OLFM3: variants seen among roughly 807,000 people sequenced by gnomAD.
OLFM3 encodes olfactomedin 3.
OLFM3 carries 20 observed loss-of-function variants against 48.6 expected under a neutral mutation model. The ratio of observed to expected loss-of-function variants is 0.41; its 90% CI spans 0.29 to 0.60. OLFM3 has a LOEUF of 0.60. Among genes scored for constraint, OLFM3 ranks in the 20% least tolerant of loss-of-function variants. The probability of loss-of-function intolerance (pLI) is 0.28; values close to 1 mark genes in which losing one functional copy is unlikely to be tolerated. For missense variants in OLFM3, 437 were observed against 544.3 expected (o/e 0.80, Z 1.96); for synonymous variants, 222 against 198.1 (o/e 1.12, Z -1.01).
At chr1:101,931,462 A>G (rs1177939714) in intron 1 of OLFM3, among the ~76,000 whole-genome samples, 1 of 152,192 alleles carries the variant, frequency 6.6e-6, no homozygotes, top group Non-Finnish European at 1.5e-5. Flanking sequence ...AATTGATCTT[A>G]TAGTAAGTGA....
At chr1:101,882,298 C>A (rs909638170) in intron 1 of OLFM3, among the ~76,000 whole-genome samples, 4 of 146,464 alleles carry the variant, frequency 2.7e-5, no homozygotes, top group African/African-American at 1.0e-4. Flanking sequence ...TATGTTATTT[C>A]TACCCTTAAT....
At chr1:101,940,091 T>A (rs1659740583) in intron 1 of OLFM3, among the ~76,000 whole-genome samples, 1 of 152,178 alleles carries the variant, frequency 6.6e-6, no homozygotes, top group Non-Finnish European at 1.5e-5. Context: ...AGTAGGAGTG[T>A]AATAGACATA....
At chr1:101,848,527 T>A (rs1001027902) in intron 1 of OLFM3, among the ~76,000 whole-genome samples, 5 of 151,632 alleles carry the variant, frequency 3.3e-5, no homozygotes, top group African/African-American at 1.2e-4. Flanking sequence ...TTTCAAAATA[T>A]ATCCAAATGA....
chr1:101,842,775 G>T (rs184266083), intron 1 of OLFM3, among the ~76,000 whole-genome samples: 1 of 152,170 alleles, frequency 6.6e-6, no homozygotes, highest in Admixed American at 6.5e-5. Context: ...GGCATGAGCC[G>T]AACTCCTCTC....
At chr1:101,964,461 CTG>C (rs1660555972) in intron 1 of OLFM3, among the ~76,000 whole-genome samples, 1 of 152,048 alleles carries the variant, frequency 6.6e-6, no homozygotes, top group Non-Finnish European at 1.5e-5. Context: ...AAGAGACAGA[CTG>C]AGAGTAAAAA....
chr1:101,864,871 C>G (rs755239870), intron 1 of OLFM3, among the ~76,000 whole-genome samples: 1 of 152,116 alleles, frequency 6.6e-6, no homozygotes, highest in Non-Finnish European at 1.5e-5. Context: ...ATATTTTTAT[C>G]TCCCTGTTCA....
chr1:101,881,446 A>G (rs1026906324), intron 1 of OLFM3, among the ~76,000 whole-genome samples: 4 of 151,826 alleles, frequency 2.6e-5, no homozygotes, highest in Non-Finnish European at 4.4e-5. Flanking sequence ...TCTTTTCTAA[A>G]TGTTCAGGAA....
chr1:101,987,926 T>TATTTAGACTATTTAGACTTCTA (rs1238485029), intron 1 of OLFM3, among the ~76,000 whole-genome samples: 3 of 152,130 alleles, frequency 2.0e-5, no homozygotes, highest in Non-Finnish European at 2.9e-5. Context: ...TAATTTCTGA[T>TATTTAGACTATTTAGACTTCTA]ACTATTTAGA....
At chr1:101,868,581 A>T (rs1656946974) in intron 1 of OLFM3, among the ~76,000 whole-genome samples, 1 of 152,232 alleles carries the variant, frequency 6.6e-6, no homozygotes, top group Non-Finnish European at 1.5e-5. Context: ...TGTCAATGTG[A>T]TAAAAAAGAA....
intron 1 of OLFM3, among the ~76,000 whole-genome samples, chr1:101,865,760 G>A (rs74434535): frequency 1.4e-3 from 215 of 152,200 alleles, no homozygotes; most frequent in African/African-American, 4.7e-3. Context: ...TGCCCACACC[G>A]GCTCAGAGTT....
intron 1 of OLFM3, among the ~76,000 whole-genome samples, chr1:101,936,939 C>T (rs1040530555): frequency 1.3e-5 from 2 of 152,022 alleles, no homozygotes; most frequent in South Asian, 2.1e-4. Flanking sequence ...GGACCCCTTC[C>T]GTACATCATA....
At chr1:101,914,672 A>G (rs775772565) in intron 1 of OLFM3, among the ~76,000 whole-genome samples, 1 of 152,188 alleles carries the variant, frequency 6.6e-6, no homozygotes, top group Non-Finnish European at 1.5e-5. Context: ...AAGTGGGGAT[A>G]AGTGCCAGAA....
At chr1:101,871,012 C>T (rs1657062295) in intron 1 of OLFM3, among the ~76,000 whole-genome samples, 1 of 151,832 alleles carries the variant, frequency 6.6e-6, no homozygotes, top group African/African-American at 2.4e-5. Context: ...GAAATTTAGA[C>T]AGAGCAGAGT....
At chr1:101,884,247 T>A (rs1432889202) in intron 1 of OLFM3, among the ~76,000 whole-genome samples, 5 of 151,988 alleles carry the variant, frequency 3.3e-5, no homozygotes, top group Admixed American at 1.3e-4. Context: ...TATGAGAATT[T>A]AAAGTAATAC....
intron 1 of OLFM3, among the ~76,000 whole-genome samples, chr1:101,979,804 A>AT (rs542593499): frequency 4.1e-4 from 62 of 151,524 alleles, no homozygotes; most frequent in African/African-American, 1.5e-3. Flanking sequence ...AGAATGGTAG[A>AT]TCCCCCAACG....
chr1:101,841,217 T>G (rs1655703862), intron 1 of OLFM3, among the ~76,000 whole-genome samples: 1 of 152,178 alleles, frequency 6.6e-6, no homozygotes, highest in Non-Finnish European at 1.5e-5. Flanking sequence ...TTTCAATAGA[T>G]TTTTTGCTTA....
chr1:101,942,637 C>T (rs1659830376), intron 1 of OLFM3, among the ~76,000 whole-genome samples: 1 of 152,078 alleles, frequency 6.6e-6, no homozygotes, highest in African/African-American at 2.4e-5. Context: ...TCAATTACTA[C>T]TAGACAATTG....
intron 1 of OLFM3, among the ~76,000 whole-genome samples, chr1:101,868,815 C>A (rs1656959097): frequency 2.0e-5 from 3 of 152,364 alleles, no homozygotes; most frequent in Middle Eastern, 6.8e-3. Context: ...TCTATCCCAG[C>A]TGCTTCAGCT....
At chr1:101,877,910 G>T (rs1019374715) in intron 1 of OLFM3, among the ~76,000 whole-genome samples, 86 of 151,562 alleles carry the variant, frequency 5.7e-4, no homozygotes, top group Admixed American at 4.6e-4. Context: ...CTTAGAGTTT[G>T]CTAGATAAGT....
Sources: allele counts gnomAD v4.1 joint callset (sites outside exome capture counted in the v4.1 genomes callset), GRCh38; gene constraint gnomAD v4.1.1; transcripts MANE v1.5; gene names NCBI Gene and HGNC (gene_info 2026-07-23, HGNC 2026-07-21).